The following MRPS25 variants were observed in gnomAD, a reference collection of about 807,000 sequenced individuals.
MRPS25 encodes the protein mitochondrial ribosomal protein S25, also known as small ribosomal subunit protein mS25.
A neutral mutation model predicts 17.3 loss-of-function variants in MRPS25; 15 were observed. The ratio of observed to expected loss-of-function variants is 0.87; its 90% CI spans 0.58 to 1.34. MRPS25 has a LOEUF of 1.34. Among genes scored for constraint, MRPS25 ranks in the 40% most tolerant of loss-of-function variants. MRPS25 has a pLI of 0.00. For missense variants in MRPS25, 225 were observed against 218.6 expected, an observed-to-expected ratio of 1.03 and a Z score of -0.19; for synonymous variants, 94 against 83.3, an observed-to-expected ratio of 1.13 and a Z score of -0.70.
intron 2 of MRPS25, among the ~76,000 whole-genome samples, chr3:15,054,217 A>T (rs779002666): frequency 3.0e-4 from 45 of 152,104 alleles, no homozygotes; most frequent in Non-Finnish European, 5.3e-4. Context: ...TCTCGAAAAA[A>T]AAAAAGAATA....
Position 15,053,570 on chromosome 3 carries a change from A to G in MRPS25, c.242-103T>C, listed in dbSNP as rs998479477. The G allele has an allele frequency of 5.8e-6, 7 of 1,205,916 alleles. No individual in the cohort carries two copies. In the African/African-American group the frequency reaches 1.1e-4, roughly 18 times the overall value. 74.7% of individuals were successfully genotyped at this position (1,205,916 alleles called of 1,614,324 possible). On this transcript the variant is annotated intron_variant, in intron 2 of 3. Coordinates refer to ENST00000253686, the MANE Select transcript of MRPS25 (RefSeq NM_022497.5). ...TTGCTTTTAGTGGCAGAAACATTTT[A>G]ATAATAAAATAGATATACTTGTTTA...
chr3:15,045,141 TA>T (rs2042405322), downstream of MRPS25: 1 of 152,226 alleles, frequency 6.6e-6, no homozygotes, highest in Non-Finnish European at 1.5e-5. Context: ...AGGCTTTTAG[TA>T]GCAGGCATCC....
chr3:15,045,954 T>C (rs938262354), downstream of MRPS25: 3 of 147,262 alleles, frequency 2.0e-5, no homozygotes, highest in African/African-American at 7.5e-5. Flanking sequence ...TCAGATAATG[T>C]TGGGTTAAGA....
At chr3:15,061,645 G>A (rs1241833013) in intron 1 of MRPS25, among the ~76,000 whole-genome samples, 1 of 152,156 alleles carries the variant, frequency 6.6e-6, no homozygotes, top group African/African-American at 2.4e-5. Context: ...CACCCCGTCT[G>A]GGAAGTGAGG....
chr3:15,047,951 T>C (rs1002806172), downstream of MRPS25: 5 of 152,326 alleles, frequency 3.3e-5, no homozygotes, highest in African/African-American at 9.7e-5. Context: ...GGACGAATTT[T>C]CCCCCTTAAT....
rs753966063 is a variant in MRPS25, at chr3:15,065,228, C to A, written c.-34G>T. The A allele has an allele frequency of 1.2e-4, 180 of 1,553,364 alleles. No homozygotes were observed. The highest frequency in any genetic ancestry group is 3.4e-4 in the Middle Eastern group (2 of 5,964). On this transcript the variant is annotated 5_prime_UTR_variant, in exon 1 of 4. Coordinates refer to ENST00000253686, the MANE Select transcript of MRPS25 (RefSeq NM_022497.5). ...CGGTGGCGGGGCCGACCCCACGGGC[C>A]GCGAGCCGAGCAGCGACGAGAAAGG... is the stretch of plus-strand genomic sequence containing the variant.
In MRPS25 at chr3:15,065,286, T is replaced by C. The variant is rs954419158; in HGVS notation, c.-92A>G. The stretch of plus-strand genomic sequence containing the variant: ...AGCACCCGCGCGGATCTCACGCGGC[T>C]TCTCCCCAGAGCCAGGTTCCACTTC... On this transcript the variant is annotated 5_prime_UTR_variant, in exon 1 of 4. Coordinates refer to ENST00000253686, the MANE Select transcript of MRPS25 (RefSeq NM_022497.5). 17 of 1,438,498 alleles carry C rather than the reference T, an allele frequency of 1.2e-5. No homozygotes were observed. The highest frequency in any genetic ancestry group is 7.7e-5 in the Admixed American group (3 of 38,766). The allele number at this position is 1,438,498 out of a possible 1,614,324, so 89.1% of individuals were successfully genotyped here.
At chr3:15,061,735 G>A (rs578045192) in intron 1 of MRPS25, among the ~76,000 whole-genome samples, 30 of 151,510 alleles carry the variant, frequency 2.0e-4, no homozygotes, top group African/African-American at 7.3e-4. Context: ...AGTGAGGAGC[G>A]TCTCTGCCCG....
chr3:15,050,301 C>T lies in MRPS25; in HGVS notation c.*2140G>A. 1 of 1,090,402 alleles carries T rather than the reference C, an allele frequency of 9.2e-7. No individual in the cohort carries two copies. The highest frequency in any genetic ancestry group is 1.1e-6 in the Non-Finnish European group (1 of 897,384). The allele number at this position is 1,090,402 out of a possible 1,614,324, so 67.5% of individuals were successfully genotyped here. A position where few individuals can be genotyped will look rare whatever the true frequency, so the allele number is the denominator to read the frequency against. On this transcript the variant is annotated 3_prime_UTR_variant, in exon 4 of 4. Transcript: ENST00000253686. ...GCTGTCCACCTCACTGCCCATTGCTCCTGTGTCAAGCCTGAACTCAAACCC... is the reference window on the plus strand; with the variant it reads ...GCTGTCCACCTCACTGCCCATTGCTTCTGTGTCAAGCCTGAACTCAAACCC...
At chr3:15,061,269 G>A (rs1178928730) in intron 1 of MRPS25, among the ~76,000 whole-genome samples, 7 of 152,160 alleles carry the variant, frequency 4.6e-5, no homozygotes, top group East Asian at 1.9e-4. Context: ...ATGCCGAGCC[G>A]AAGCTGGACT....
downstream of MRPS25, chr3:15,042,591 G>C (rs145889322): frequency 1.5e-4 from 55 of 376,850 alleles, no homozygotes; most frequent in East Asian, 2.2e-3. Flanking sequence ...GTGGGGGTGA[G>C]GAGAGTTGGA....
Position 15,053,477 on chromosome 3 carries a change from G to A in MRPS25, c.242-10C>T. ...ACCTGCTCCCCAGAATCTGGAAACG[G>A]AAAGCACGGGGCAGAAGAGAAACAG... On this transcript the variant is annotated splice_polypyrimidine_tract_variant and intron_variant, in intron 2 of 3. Transcript: ENST00000253686. The A allele has an allele frequency of 6.2e-7, 1 of 1,614,164 alleles. No homozygotes were observed. Among genetic ancestry groups the A allele is most frequent in the South Asian group, 1.1e-5 (1 of 91,078 alleles).
intron 1 of MRPS25, among the ~76,000 whole-genome samples, chr3:15,062,098 TCAGCCGCCCGGC>T (rs1386501020): frequency 1.5e-5 from 2 of 132,280 alleles, no homozygotes; most frequent in African/African-American, 2.9e-5. Context: ...GGTAGGGGGC[TCAGCCGCCCGGC>T]CAGCCGCCCC....
In MRPS25 at chr3:15,051,799, GCTGA is replaced by G; in HGVS notation, c.*638_*641del. 1.0e-6 allele frequency: 1 copy of G among 985,502 alleles called. No individual in the cohort carries two copies. The highest frequency in any genetic ancestry group is 1.2e-6 in the Non-Finnish European group (1 of 829,984). The allele number at this position is 985,502 out of a possible 1,614,324, so 61.0% of individuals were successfully genotyped here. Reference sequence around the variant, plus strand: ...GTGGCTGGGCCATGGGTTGGCAGTGGCTGACTGGTCAGCAGGTACGTGCCTGAGT... The same window carrying G: ...GTGGCTGGGCCATGGGTTGGCAGTGGCTGGTCAGCAGGTACGTGCCTGAGT... On this transcript the variant is annotated 3_prime_UTR_variant, in exon 4 of 4. Coordinates refer to ENST00000253686, the MANE Select transcript of MRPS25 (RefSeq NM_022497.5).
chr3:15,059,690 C>T (rs1184279023), intron 1 of MRPS25, among the ~76,000 whole-genome samples: 7 of 152,124 alleles, frequency 4.6e-5, no homozygotes, highest in Non-Finnish European at 7.4e-5. Flanking sequence ...ATCTGTATCC[C>T]AACCTGTACT....
At chr3:15,044,085 A>T (rs28524664), downstream of MRPS25, 9,139 of 152,204 alleles carry the variant, frequency 0.06, 340 homozygotes, top group East Asian at 0.13. Context: ...CCCCCTTGAA[A>T]AGGGCTCGTG....
At chr3:15,060,438 G>C (rs1056408139) in intron 1 of MRPS25, among the ~76,000 whole-genome samples, 1 of 150,832 alleles carries the variant, frequency 6.6e-6, no homozygotes, top group South Asian at 2.1e-4. Flanking sequence ...GCTTAAGCCC[G>C]GGAGTTTGAG....
chr3:15,043,252 A>G (rs2042333708), downstream of MRPS25: 1 of 334,398 alleles, frequency 3.0e-6, no homozygotes, highest in African/African-American at 2.1e-5. Context: ...CTTTTAACTC[A>G]ATTTGTATTT....
downstream of MRPS25, chr3:15,042,327 C>T (rs890104135): frequency 2.6e-5 from 4 of 152,264 alleles, no homozygotes; most frequent in African/African-American, 9.7e-5. Context: ...AAAAAATCAC[C>T]TCAAATCCCA....
Sources: allele counts gnomAD v4.1 joint callset (sites outside exome capture counted in the v4.1 genomes callset), GRCh38; gene constraint gnomAD v4.1.1; transcripts MANE v1.5; gene names NCBI Gene and HGNC (gene_info 2026-07-23, HGNC 2026-07-21).